The following TENM2 variants were observed in gnomAD, a reference collection of about 807,000 sequenced individuals.
TENM2 encodes the protein teneurin-2.
In TENM2, 52 loss-of-function variants were observed where a neutral mutation model predicts 245.2. The ratio of observed to expected loss-of-function variants is 0.21; its 90% CI spans 0.17 to 0.27. The LOEUF is 0.27. TENM2 is among the 10% of genes least tolerant of loss of function. The pLI is 1.00. For missense variants in TENM2, 3,046 were observed against 3,666.8 expected (o/e 0.83, Z 4.37); for synonymous variants, 1,363 against 1,438.9 (o/e 0.95, Z 1.19).
chr5:167,442,351 G>A (rs932019246), intron 2 of TENM2, among the ~76,000 whole-genome samples: 2 of 152,068 alleles, frequency 1.3e-5, no homozygotes, highest in Admixed American at 6.6e-5. Flanking sequence ...ACAAAATGCT[G>A]TGATAAACAT....
chr5:167,404,388 C>T (rs1448824514), intron 2 of TENM2, among the ~76,000 whole-genome samples: 3 of 152,016 alleles, frequency 2.0e-5, no homozygotes, highest in Non-Finnish European at 2.9e-5. Context: ...TTCTTCATAA[C>T]GCTAGATACA....
At chr5:167,452,761 TCA>T (rs1765659541) in intron 2 of TENM2, among the ~76,000 whole-genome samples, 1 of 150,866 alleles carries the variant, frequency 6.6e-6, no homozygotes, top group African/African-American at 2.4e-5. Context: ...AAGGGGAACA[TCA>T]CACACCGTGG....
At chr5:168,051,628 T>C (rs1259830730) in intron 6 of TENM2, among the ~76,000 whole-genome samples, 1 of 152,162 alleles carries the variant, frequency 6.6e-6, no homozygotes, top group Non-Finnish European at 1.5e-5. Flanking sequence ...ATATTCTTGG[T>C]AACTTTGCAT....
At chr5:168,206,738 A>T (rs1581632873) in intron 19 of TENM2, among the ~76,000 whole-genome samples, 1 of 152,088 alleles carries the variant, frequency 6.6e-6, no homozygotes, top group South Asian at 2.1e-4. Flanking sequence ...TTTCTCAGGC[A>T]CCCTGTGGGC....
At chr5:167,979,569 G>T (rs990241327) in intron 4 of TENM2, among the ~76,000 whole-genome samples, 6 of 152,142 alleles carry the variant, frequency 3.9e-5, no homozygotes, top group African/African-American at 9.7e-5. Context: ...AGGGGATAGG[G>T]CTGCAAAATA....
chr5:167,220,325 C>T, the TENM2 span, among the ~76,000 whole-genome samples: 1 of 152,248 alleles, frequency 6.6e-6, no homozygotes, highest in African/African-American at 2.4e-5. Flanking sequence ...ACTATGATTC[C>T]TATAGCCAAT....
chr5:167,295,159 G>A (rs1048922866), intron 1 of TENM2, among the ~76,000 whole-genome samples: 2 of 152,154 alleles, frequency 1.3e-5, no homozygotes, highest in Admixed American at 6.5e-5. Context: ...CTTGTTTCCT[G>A]TTCTAATGAG....
At chr5:167,452,950 T>TATATATATATTTTTTTTTTTTTTTAA (rs1554157769) in intron 2 of TENM2, among the ~76,000 whole-genome samples, 2 of 99,630 alleles carry the variant, frequency 2.0e-5, no homozygotes, top group African/African-American at 6.8e-5. Context: ...TATATATATA[T>TATATATATATTTTTTTTTTTTTTTAA]ATATATATAT....
At chr5:168,197,441 C>T (rs886538229) in intron 15 of TENM2, among the ~76,000 whole-genome samples, 1 of 152,324 alleles carries the variant, frequency 6.6e-6, no homozygotes, top group South Asian at 2.1e-4. Flanking sequence ...TGGCTCACAT[C>T]TGTAATCCCA....
chr5:167,186,646 C>A, the TENM2 span, among the ~76,000 whole-genome samples: 1 of 152,164 alleles, frequency 6.6e-6, no homozygotes, highest in African/African-American at 2.4e-5. Context: ...GTGGGTCTTC[C>A]TGGACTGATG....
the TENM2 span, among the ~76,000 whole-genome samples, chr5:167,095,476 A>G: frequency 2.6e-5 from 4 of 152,088 alleles, no homozygotes; most frequent in African/African-American, 7.2e-5. Context: ...CGGCAGGAAA[A>G]TCCTGTAAGT....
intron 5 of TENM2, among the ~76,000 whole-genome samples, chr5:168,000,542 C>T (rs142467903): frequency 2.0e-5 from 3 of 152,170 alleles, no homozygotes; most frequent in African/African-American, 7.2e-5. Context: ...TGTAAACATG[C>T]CTCAAGCATT....
chr5:166,992,537 A>C, the TENM2 span, among the ~76,000 whole-genome samples: 1 of 152,328 alleles, frequency 6.6e-6, no homozygotes, highest in Non-Finnish European at 1.5e-5. Context: ...ATTGTATTTC[A>C]TAGTTTCAAA....
At chr5:168,016,639 G>A (rs769656781) in intron 5 of TENM2, among the ~76,000 whole-genome samples, 8 of 152,144 alleles carry the variant, frequency 5.3e-5, no homozygotes, top group African/African-American at 9.7e-5. Context: ...CCTTGACCTC[G>A]TATGAGCAGT....
At chr5:167,872,636 G>T (rs1460263428) in intron 2 of TENM2, among the ~76,000 whole-genome samples, 1 of 152,220 alleles carries the variant, frequency 6.6e-6, no homozygotes, top group Non-Finnish European at 1.5e-5. Context: ...CCGAAGTAAT[G>T]GTAGGTACCA....
chr5:167,924,328 A>C (rs1777587088), intron 3 of TENM2, among the ~76,000 whole-genome samples: 1 of 152,208 alleles, frequency 6.6e-6, no homozygotes, highest in Non-Finnish European at 1.5e-5. Context: ...ATTTCTGTCC[A>C]TGAGCGCTTG....
exon 29 of TENM2, chr5:168,262,708 G>A (rs765468933): frequency 3.2e-5 from 52 of 1,611,088 alleles, no homozygotes; most frequent in Non-Finnish European, 4.3e-5. Context: ...GCGTGCAAGG[G>A]TACGAGGGAT....
chr5:167,008,619 C>T, the TENM2 span, among the ~76,000 whole-genome samples: 3 of 152,004 alleles, frequency 2.0e-5, no homozygotes, highest in Non-Finnish European at 2.9e-5. Flanking sequence ...TTCATTTGGC[C>T]GTTTTTCTAT....
intron 2 of TENM2, among the ~76,000 whole-genome samples, chr5:167,659,315 G>T (rs1755054247): frequency 6.6e-6 from 1 of 152,176 alleles, no homozygotes; most frequent in Non-Finnish European, 1.5e-5. Context: ...TGTTTTAAAG[G>T]AGAGTGAAGC....
Sources: gnomAD v4.1 joint callset for allele counts (sites outside exome capture counted in the v4.1 genomes callset) on GRCh38, gnomAD v4.1.1 for gene constraint, MANE v1.5 for transcripts, NCBI Gene and HGNC (gene_info 2026-07-23, HGNC 2026-07-21) for gene names.